Variants in AMPH observed in about 807,000 individuals in gnomAD.
AMPH encodes the protein amphiphysin.
In AMPH, 49 loss-of-function variants were observed where a neutral mutation model predicts 99.1. The observed-to-expected ratio is 0.49, with a 90% CI of 0.39 to 0.63. AMPH has a LOEUF of 0.63. Ranked by LOEUF, AMPH falls within the 20% of genes least tolerant of loss-of-function variation. The pLI, the probability that AMPH is intolerant of heterozygous loss-of-function variation, is 0.00. For synonymous variants in AMPH, 314 were observed against 317.3 expected, an observed-to-expected ratio of 0.99 and a Z score of 0.11; for missense variants, 759 against 863.4, an observed-to-expected ratio of 0.88 and a Z score of 1.52.
At chr7:38,549,320 TAGGTACATAAGAGACA>T (rs1368236793) in intron 1 of AMPH, among the ~76,000 whole-genome samples, 1 of 152,192 alleles carries the variant, frequency 6.6e-6, no homozygotes, top group Non-Finnish European at 1.5e-5. Flanking sequence ...ACCAATTTCA[TAGGTACATAAGAGACA>T]AGGTACATAA....
intron 7 of AMPH, among the ~76,000 whole-genome samples, chr7:38,467,640 A>ATTTGTGTG (rs1554342021): frequency 1.3e-5 from 2 of 148,732 alleles, no homozygotes; most frequent in African/African-American, 2.5e-5. Context: ...CAATGGAAAT[A>ATTTGTGTG]TGTGTGTGTG....
chr7:38,575,257 T>A (rs1792196014), intron 1 of AMPH, among the ~76,000 whole-genome samples: 2 of 152,154 alleles, frequency 1.3e-5, no homozygotes, highest in South Asian at 4.1e-4. Flanking sequence ...CAGTTTAATT[T>A]TTTTAACCTA....
intron 11 of AMPH, 126 bp from the exon 12 acceptor site, chr7:38,436,514 G>A (rs1786273026): frequency 2.8e-6 from 2 of 712,178 alleles, no homozygotes; most frequent in East Asian, 2.7e-5. Flanking sequence ...ACTTTTATAA[G>A]CATGGTGGCT....
chr7:38,524,725 T>C (rs188134963), intron 2 of AMPH, among the ~76,000 whole-genome samples: 15 of 152,164 alleles, frequency 9.9e-5, no homozygotes, highest in African/African-American at 3.6e-4. Flanking sequence ...TTTTGTAAGG[T>C]TAAAATTACT....
intron 19 of AMPH, among the ~76,000 whole-genome samples, chr7:38,391,382 AC>A (rs1194374957): frequency 4.6e-5 from 7 of 152,052 alleles, no homozygotes; most frequent in Non-Finnish European, 1.0e-4. Context: ...TTGCTGCCCG[AC>A]CCCCAGGGGA....
chr7:38,473,037 T>C (rs1251018190), intron 7 of AMPH, among the ~76,000 whole-genome samples: 1 of 152,166 alleles, frequency 6.6e-6, no homozygotes, highest in African/African-American at 2.4e-5. Context: ...CCAATACATA[T>C]TAAGGCAAAT....
At chr7:38,588,660 C>T (rs1279305405) in intron 1 of AMPH, among the ~76,000 whole-genome samples, 1 of 151,908 alleles carries the variant, frequency 6.6e-6, no homozygotes, top group African/African-American at 2.4e-5. Flanking sequence ...ACCAACTCTC[C>T]AATTATGGGG....
chr7:38,462,888 A>G, intron 10 of AMPH, 87 bp downstream of exon 10: 2 of 1,395,740 alleles, frequency 1.4e-6, no homozygotes, highest in Admixed American at 2.4e-5. Flanking sequence ...CTTCTCTTAA[A>G]GCCCCGGCAC....
intron 1 of AMPH, among the ~76,000 whole-genome samples, chr7:38,586,184 T>C (rs1018876070): frequency 6.6e-6 from 1 of 152,176 alleles, no homozygotes; most frequent in African/African-American, 2.4e-5. Flanking sequence ...AAAATTTTCA[T>C]CGTGGAAATT....
chr7:38,429,251 C>T (rs768026431), intron 14 of AMPH: 35 of 1,286,574 alleles, frequency 2.7e-5, no homozygotes, highest in South Asian at 3.7e-5. Context: ...CAGCCTCCGG[C>T]GCAGGCTTTG....
At chr7:38,473,388 A>G (rs1044792957) in intron 7 of AMPH, among the ~76,000 whole-genome samples, 6 of 152,206 alleles carry the variant, frequency 3.9e-5, no homozygotes, top group African/African-American at 1.4e-4. Flanking sequence ...TGCTAAAGAT[A>G]TATGTAAAGA....
intron 5 of AMPH, among the ~76,000 whole-genome samples, chr7:38,486,454 A>G (rs1422761868): frequency 6.6e-6 from 1 of 152,018 alleles, no homozygotes. Flanking sequence ...AATACCTCCC[A>G]ACAACAACAA....
chr7:38,487,938 G>C (rs936816146), intron 5 of AMPH, among the ~76,000 whole-genome samples: 10 of 152,124 alleles, frequency 6.6e-5, no homozygotes, highest in African/African-American at 2.2e-4. Flanking sequence ...CATCATCATT[G>C]GTCATTAGAG....
At chr7:38,413,139 G>A (rs191243052) in intron 17 of AMPH, among the ~76,000 whole-genome samples, 86 of 152,222 alleles carry the variant, frequency 5.6e-4, no homozygotes, top group African/African-American at 2.0e-3. Flanking sequence ...TCACCAAACT[G>A]TCATTAACTA....
intron 2 of AMPH, among the ~76,000 whole-genome samples, chr7:38,515,018 A>AGAGCT (rs1789686914): frequency 6.6e-6 from 1 of 152,196 alleles, no homozygotes; most frequent in Non-Finnish European, 1.5e-5. Context: ...GAGCTATAGG[A>AGAGCT]AAAACCTAAA....
At chr7:38,623,545 A>C (rs754856094) in intron 1 of AMPH, among the ~76,000 whole-genome samples, 86 of 152,210 alleles carry the variant, frequency 5.7e-4, no homozygotes, top group Non-Finnish European at 2.2e-4. Context: ...AGCTTTGTAA[A>C]ATATAGATGC....
chr7:38,611,780 C>T (rs1447238682), intron 1 of AMPH, among the ~76,000 whole-genome samples: 2 of 152,208 alleles, frequency 1.3e-5, no homozygotes, highest in Non-Finnish European at 2.9e-5. Flanking sequence ...TTCATCTTGC[C>T]TGCAGGTGTC....
At chr7:38,460,600 C>G (rs529383890) in intron 11 of AMPH, among the ~76,000 whole-genome samples, 1 of 152,114 alleles carries the variant, frequency 6.6e-6, no homozygotes, top group African/African-American at 2.4e-5. Context: ...AAGCCAGGCA[C>G]AGAAAAGACA....
chr7:38,466,053 G>A (rs777039498), intron 8 of AMPH, 120 bp downstream of exon 8: 1 of 774,430 alleles, frequency 1.3e-6, no homozygotes, highest in Admixed American at 2.9e-5. Context: ...ATAACACACT[G>A]CTAAAAGAAA....
Sources: gnomAD v4.1 joint callset for allele counts (sites outside exome capture counted in the v4.1 genomes callset) on GRCh38, gnomAD v4.1.1 for gene constraint, MANE v1.5 for transcripts, NCBI Gene and HGNC (gene_info 2026-07-23, HGNC 2026-07-21) for gene names.